The following PITPNA variants were observed in gnomAD, a reference collection of about 807,000 sequenced individuals.
PITPNA encodes phosphatidylinositol transfer protein alpha isoform.
In PITPNA, 13 loss-of-function variants were observed where a neutral mutation model predicts 50.3. That is an observed-to-expected ratio of 0.26 (90% CI 0.17 to 0.41). PITPNA has a LOEUF of 0.41. Ranked by LOEUF, PITPNA falls within the 10% of genes least tolerant of loss-of-function variation. The pLI is 1.00. For missense variants in PITPNA, 207 were observed against 333.4 expected (o/e 0.62, Z 2.95); for synonymous variants, 120 against 119.6 (o/e 1.00, Z -0.02).
intron 10 of PITPNA, among the ~76,000 whole-genome samples, chr17:1,526,857 C>T (rs891751789): frequency 5.3e-5 from 8 of 152,108 alleles, no homozygotes; most frequent in Non-Finnish European, 1.0e-4. Flanking sequence ...CTCTGCCTCC[C>T]GGGTTCAAGT....
At chr17:1,553,733 C>CA (rs1340671577) in intron 2 of PITPNA, among the ~76,000 whole-genome samples, 1 of 152,190 alleles carries the variant, frequency 6.6e-6, no homozygotes, top group Non-Finnish European at 1.5e-5. Flanking sequence ...GATTTCTTGT[C>CA]AAAGAAAGGT....
chr17:1,557,435 C>T (rs910492511), intron 2 of PITPNA, among the ~76,000 whole-genome samples: 4 of 152,180 alleles, frequency 2.6e-5, no homozygotes, highest in Admixed American at 2.0e-4. Context: ...GAGACGGAGC[C>T]CAGTGACTGG....
intron 6 of PITPNA, among the ~76,000 whole-genome samples, chr17:1,540,625 G>A (rs2075643509): frequency 6.7e-6 from 1 of 148,164 alleles, no homozygotes; most frequent in Non-Finnish European, 1.5e-5. Context: ...GTCTCGCTCT[G>A]TCACCCAAGT....
rs753060516 is a variant in PITPNA, at chr17:1,535,264, G to A, written c.563C>T (p.Pro188Leu). The change falls in exon 9 of 12, where the codon CCA (proline) becomes CTA (leucine). Residue 188 changes from proline (P) to leucine (L), a missense_variant. Physicochemically the swap from Pro to Leu is moderately conservative, Grantham distance 98. Transcript: ENST00000313486. ...CACCAGTTTGTATGCACACATATAT[G>A]GGCAGTCCTTCTGGTTTACAAGCTC... ...KQELVNQKDCPYMCAYKLVTV... is the reference protein window; with the variant it reads ...KQELVNQKDCLYMCAYKLVTV... 1 of 1,613,510 alleles carries A rather than the reference G, an allele frequency of 6.2e-7. No homozygotes were observed. The highest frequency in any genetic ancestry group is 2.2e-5 in the East Asian group (1 of 44,892).
intron 11 of PITPNA, 141 bp downstream of exon 11, chr17:1,521,438 G>A (rs192195154): frequency 1.5e-6 from 1 of 661,432 alleles, no homozygotes; most frequent in Non-Finnish European, 2.8e-6. Context: ...AGTGGAAGTG[G>A]AGAGCTATCG....
chr17:1,525,763 C>T (rs545157953), intron 10 of PITPNA, among the ~76,000 whole-genome samples: 1 of 152,314 alleles, frequency 6.6e-6, no homozygotes, highest in East Asian at 1.9e-4. Flanking sequence ...GGTGATCCGC[C>T]TGCCTTGGCC....
In PITPNA at chr17:1,518,694, C is replaced by T. The variant is rs1302442864; in HGVS notation, c.*1867G>A. Reference sequence around the variant, plus strand: ...ACCCTCAGACCACATAGACAACTGTCTGCCTAGAATGTCAGTTTGTTTCTT... The same window carrying T: ...ACCCTCAGACCACATAGACAACTGTTTGCCTAGAATGTCAGTTTGTTTCTT... On this transcript the variant is annotated 3_prime_UTR_variant, in exon 12 of 12. Transcript: ENST00000313486. The T allele has an allele frequency of 6.6e-6, 1 of 152,248 alleles. No homozygotes were observed. The highest frequency in any genetic ancestry group is 6.5e-5 in the Admixed American group (1 of 15,284). 9.4% of individuals were successfully genotyped at this position (152,248 alleles called of 1,614,324 possible).
At chr17:1,548,210 C>A (rs914067424) in intron 4 of PITPNA, 86 bp downstream of exon 4, 29 of 850,662 alleles carry the variant, frequency 3.4e-5, no homozygotes, top group Non-Finnish European at 5.2e-5. Flanking sequence ...CCGAGCCTTT[C>A]CCTGGCCTAA....
intron 2 of PITPNA, among the ~76,000 whole-genome samples, chr17:1,554,199 T>A (rs1405870045): frequency 1.3e-5 from 2 of 152,084 alleles, no homozygotes; most frequent in Non-Finnish European, 2.9e-5. Context: ...GGAAATTATG[T>A]CTACACCAAC....
chr17:1,555,200 A>G (rs2075729502), intron 2 of PITPNA, among the ~76,000 whole-genome samples: 1 of 152,160 alleles, frequency 6.6e-6, no homozygotes, highest in Non-Finnish European at 1.5e-5. Flanking sequence ...AATCGCCTTC[A>G]TTTGGTTTCT....
At chr17:1,560,715 G>T (rs945757937) in intron 1 of PITPNA, among the ~76,000 whole-genome samples, 11 of 152,320 alleles carry the variant, frequency 7.2e-5, no homozygotes, top group South Asian at 6.2e-4. Flanking sequence ...GGACACTGAA[G>T]ATTAAAATCT....
rs1230535454 is a variant in PITPNA at position 1,521,615 on chromosome 17, T to A, written c.799A>T (p.Thr267Ser). 6.2e-7 allele frequency: 1 copy of A among 1,613,634 alleles called. No homozygotes were observed. The change falls in exon 11 of 12, where the codon ACA (threonine) becomes TCA (serine). Residue 267 changes from threonine to serine, a missense_variant. By Grantham distance (58) the Thr-to-Ser change is moderately conservative. Transcript: ENST00000313486. Reference sequence around the variant, plus strand: ...GAAAGGCGGCTTTAGTCATCTGCTGTCATTCCTTTCACTGGGTCCTTTTGT... The same window carrying A: ...GAAAGGCGGCTTTAGTCATCTGCTGACATTCCTTTCACTGGGTCCTTTTGT... ...MRQKDPVKGM[T>S]ADD
At chr17:1,548,457 C>A in intron 3 of PITPNA, 70 bp from the exon 4 acceptor site, 4 of 1,073,918 alleles carry the variant, frequency 3.7e-6, no homozygotes, top group Non-Finnish European at 5.5e-6. Flanking sequence ...CTTTTCAGAT[C>A]CAGCTTCTTC....
intron 2 of PITPNA, among the ~76,000 whole-genome samples, chr17:1,558,179 G>A (rs113438199): frequency 1.4e-5 from 2 of 147,006 alleles, no homozygotes; most frequent in African/African-American, 2.5e-5. Flanking sequence ...TGCAGTGAGC[G>A]GAGATCGCAC....
At chr17:1,524,302 C>A (rs555894279) in intron 10 of PITPNA, among the ~76,000 whole-genome samples, 1 of 151,062 alleles carries the variant, frequency 6.6e-6, no homozygotes, top group Non-Finnish European at 1.5e-5. Context: ...CCTTGGCCTC[C>A]CAAAGTGCTG....
In PITPNA at chr17:1,538,979, T is replaced by C. The variant is rs58398218; in HGVS notation, c.373-27A>G. 7 of 1,509,614 alleles carry C rather than the reference T, an allele frequency of 4.6e-6. No homozygotes were observed. In the East Asian group the frequency reaches 6.8e-5, roughly 15 times the overall value. The allele number at this position is 1,509,614 out of a possible 1,614,324, so 93.5% of individuals were successfully genotyped here. On this transcript the variant is annotated intron_variant, in intron 6 of 11. Coordinates refer to ENST00000313486, the MANE Select transcript of PITPNA (RefSeq NM_006224.4). ...TGTGGGAACAAGTGGGGAACCACTA[T>C]GCAGTTTTTGTCAGTTATAAAATAT... is the stretch of plus-strand genomic sequence containing the variant.
intron 7 of PITPNA, among the ~76,000 whole-genome samples, chr17:1,537,754 C>T (rs1022619505): frequency 1.6e-4 from 25 of 152,236 alleles, no homozygotes; most frequent in Middle Eastern, 3.4e-3. Flanking sequence ...CAAGGAAGCA[C>T]AAGATGGTTT....
chr17:1,525,504 C>CTTTTTTT (rs11329480), intron 10 of PITPNA, among the ~76,000 whole-genome samples: 6 of 101,716 alleles, frequency 5.9e-5, no homozygotes, highest in African/African-American at 7.7e-5. Context: ...CACTGGGAAA[C>CTTTTTTT]TTTTTTTTTT....
intron 2 of PITPNA, among the ~76,000 whole-genome samples, chr17:1,556,734 T>C (rs1414770246): frequency 6.6e-6 from 1 of 152,028 alleles, no homozygotes; most frequent in Non-Finnish European, 1.5e-5. Flanking sequence ...AAGAGCTGAG[T>C]TTGAGGGCAA....
Sources: allele counts gnomAD v4.1 joint callset (sites outside exome capture counted in the v4.1 genomes callset), GRCh38; gene constraint gnomAD v4.1.1; transcripts MANE v1.5; gene names NCBI Gene and HGNC (gene_info 2026-07-23, HGNC 2026-07-21).